Variants in PARP11 observed in about 807,000 individuals in gnomAD.
PARP11 encodes protein mono-ADP-ribosyltransferase PARP11.
A neutral mutation model predicts 42.9 loss-of-function variants in PARP11; 31 were observed. That is an observed-to-expected ratio of 0.72 (90% CI 0.54 to 0.98). The LOEUF (loss-of-function observed/expected upper bound fraction) is 0.98. Among genes scored for constraint, PARP11 ranks in the 50% least tolerant of loss-of-function variants. The pLI, the probability that PARP11 is intolerant of heterozygous loss-of-function variation, is 0.00. For synonymous variants in PARP11, 137 were observed against 127.3 expected, an observed-to-expected ratio of 1.08 and a Z score of -0.51; for missense variants, 365 against 413.1, an observed-to-expected ratio of 0.88 and a Z score of 1.01.
At position 3,840,332 on chromosome 12, in the gene PARP11, T is replaced by C; in HGVS notation, c.19-10314A>G. The C allele has an allele frequency of 6.2e-7, 1 of 1,614,068 alleles. No individual in the cohort carries two copies. Among genetic ancestry groups the C allele is most frequent in the Non-Finnish European group, 8.5e-7 (1 of 1,179,956 alleles). ...TGGAACACAGTGTCAGGGAAGAAGA[T>C]GAAAAAACCTTCCACTTCTGGACAA... is the stretch of plus-strand genomic sequence containing the variant. On this transcript the variant is annotated intron_variant, in intron 1 of 7. Coordinates refer to ENST00000228820, the MANE Select transcript of PARP11 (RefSeq NM_020367.6). The surrounding 1 kb of genome is among the most constrained non-coding windows in gnomAD (Gnocchi z 4.4).
intron 6 of PARP11, among the ~76,000 whole-genome samples, chr12:3,817,885 T>A (rs945273108): frequency 6.6e-6 from 1 of 152,226 alleles, no homozygotes; most frequent in African/African-American, 2.4e-5. Flanking sequence ...TCTGATTCAG[T>A]AGATCTGTGG....
In PARP11 at chr12:3,811,957, A is replaced by G. The variant is rs1363207844; in HGVS notation, c.*166T>C. ...AGAAACAGGCAAAAACAAAACAACA[A>G]AAACCAACCTTGAAGTCAGTATGTC... On this transcript the variant is annotated 3_prime_UTR_variant, in exon 8 of 8. Coordinates refer to ENST00000228820, the MANE Select transcript of PARP11 (RefSeq NM_020367.6). The G allele has an allele frequency of 1.8e-6, 1 of 569,410 alleles. No individual in the cohort carries two copies. The highest frequency in any genetic ancestry group is 3.5e-5 in the Admixed American group (1 of 28,428). 35.3% of individuals were successfully genotyped at this position (569,410 alleles called of 1,614,324 possible).
intron 1 of PARP11, among the ~76,000 whole-genome samples, chr12:3,854,382 C>T (rs898777251): frequency 4.6e-5 from 7 of 152,090 alleles, no homozygotes; most frequent in African/African-American, 7.2e-5. Context: ...AATTGATAGA[C>T]CGCTAGCAAG....
At position 3,873,392 on chromosome 12, in the gene PARP11, T is replaced by TA; in HGVS notation, c.-164dup. 1.5e-6 allele frequency: 1 copy of TA among 675,900 alleles called. No individual in the cohort carries two copies. Among genetic ancestry groups the TA allele is most frequent in the South Asian group, 1.8e-5 (1 of 56,332 alleles). 41.9% of individuals were successfully genotyped at this position (675,900 alleles called of 1,614,324 possible). On this transcript the variant is annotated 5_prime_UTR_variant, in exon 1 of 8. Transcript: ENST00000228820. ...CCCCTCCCTGTCACAAGCCAGCGTT[T>TA]ACAGACCACCCAACCTCCCGACTTC...
intron 7 of PARP11, among the ~76,000 whole-genome samples, chr12:3,813,251 G>A (rs1471194945): frequency 2.6e-5 from 4 of 152,290 alleles, no homozygotes; most frequent in Admixed American, 1.3e-4. Context: ...CCAAGAAACC[G>A]TATTTCTATG....
In PARP11 at chr12:3,810,724, G is replaced by GAGAAAC. The variant is rs1947157450; in HGVS notation, c.*1398_*1399insGTTTCT. On this transcript the variant is annotated 3_prime_UTR_variant, in exon 8 of 8. Transcript: ENST00000228820. The stretch of plus-strand genomic sequence containing the variant: ...GAAGAGAGAGAGAAGAGAAGAGAAA[G>GAGAAAC]AGAAAGAGAAAGAGGAAGAGAAAAA... 1 of 149,032 alleles carries GAGAAAC rather than the reference G, an allele frequency of 6.7e-6. No homozygotes were observed. Among genetic ancestry groups the GAGAAAC allele is most frequent in the African/African-American group, 2.5e-5 (1 of 40,360 alleles). 9.2% of individuals were successfully genotyped at this position (149,032 alleles called of 1,614,324 possible).
intron 4 of PARP11, among the ~76,000 whole-genome samples, chr12:3,824,400 T>C (rs1436139669): frequency 1.3e-5 from 2 of 152,206 alleles, no homozygotes; most frequent in African/African-American, 4.8e-5. Context: ...CTAAAGTATC[T>C]TTTAGCTATG....
At chr12:3,864,742 T>C (rs997621231) in intron 1 of PARP11, among the ~76,000 whole-genome samples, 2 of 152,174 alleles carry the variant, frequency 1.3e-5, no homozygotes, top group Admixed American at 1.3e-4. Flanking sequence ...CTTTAGAATA[T>C]GTAGTGATGT....
At chr12:3,830,151 TTCTA>T in intron 1 of PARP11, 133 bp from the exon 2 acceptor site, 1 of 697,136 alleles carries the variant, frequency 1.4e-6, no homozygotes, top group Non-Finnish European at 2.3e-6. Context: ...AAAAACAGCT[TTCTA>T]TCTTTCATAT....
chr12:3,841,305 T>G, intron 1 of PARP11: 2 of 1,253,646 alleles, frequency 1.6e-6, no homozygotes, highest in Admixed American at 1.7e-5. Flanking sequence ...AGGCATACAG[T>G]TGTCCTGTGT....
rs1282425663 is a variant in PARP11, at chr12:3,872,790, C to T, written c.18+422G>A. The T allele has an allele frequency of 1.1e-5, 11 of 985,168 alleles. No homozygotes were observed. The Admixed American group carries it at 5.5e-4, about 50-fold the overall frequency. The allele number at this position is 985,168 out of a possible 1,614,324, so 61.0% of individuals were successfully genotyped here. Reference sequence around the variant, plus strand: ...GTTACTCCAATTAGAAAGCAAAACACAAAGTTTCAAAAAACAGTGAAGGCA... The same window carrying T: ...GTTACTCCAATTAGAAAGCAAAACATAAAGTTTCAAAAAACAGTGAAGGCA... On this transcript the variant is annotated intron_variant, in intron 1 of 7. Transcript: ENST00000228820.
intron 1 of PARP11, chr12:3,832,235 C>T (rs1947657391): frequency 3.5e-6 from 1 of 283,008 alleles, no homozygotes; most frequent in Non-Finnish European, 5.3e-6. Context: ...TCCTAAAGCA[C>T]TTCAAATCTT....
intron 1 of PARP11, chr12:3,871,919 CCAGAAGTGAGTCA>C (rs1948487221): frequency 6.6e-6 from 1 of 152,120 alleles, no homozygotes; most frequent in African/African-American, 2.4e-5. Context: ...ATCTTTCGTC[CCAGAAGTGAGTCA>C]CAGAAACCAG....
chr12:3,830,227 T>C (rs932943745), intron 1 of PARP11, among the ~76,000 whole-genome samples: 1 of 152,196 alleles, frequency 6.6e-6, no homozygotes, highest in African/African-American at 2.4e-5. Flanking sequence ...AGGCAAGTAA[T>C]AATAATCTTA....
At chr12:3,856,984 T>C (rs1425389616) in intron 1 of PARP11, among the ~76,000 whole-genome samples, 1 of 152,074 alleles carries the variant, frequency 6.6e-6, no homozygotes, top group Non-Finnish European at 1.5e-5. Context: ...TGCAGGGATA[T>C]GGATGAAGCT....
At chr12:3,826,813 T>C (rs1043194572) in intron 3 of PARP11, among the ~76,000 whole-genome samples, 1 of 152,238 alleles carries the variant, frequency 6.6e-6, no homozygotes, top group South Asian at 2.1e-4. Context: ...AGAGACTAAG[T>C]ACTTAAAGGT....
rs968649802 is a variant in PARP11, at chr12:3,828,989, G to A, written c.189C>T (p.Ile63=). Residue 63 remains isoleucine (I), a synonymous_variant, in exon 3 of 8, where the codon ATC becomes ATT. Coordinates refer to ENST00000228820, the MANE Select transcript of PARP11 (RefSeq NM_020367.6). ...NSQCSVSSED[I]EKSFKTNPCG... is the part of the protein sequence containing the mutation. The stretch of plus-strand genomic sequence containing the variant: ...AAGGGTTTGTTTTGAAGCTTTTTTC[G>A]ATATCTTCACTGCTAACTGAACACT... 17 of 1,613,700 alleles carry A rather than the reference G, an allele frequency of 1.1e-5. No homozygotes were observed. Among genetic ancestry groups the A allele is most frequent in the East Asian group, 4.5e-5 (2 of 44,880 alleles).
At chr12:3,817,807 T>C (rs1304921694) in intron 6 of PARP11, among the ~76,000 whole-genome samples, 1 of 152,190 alleles carries the variant, frequency 6.6e-6, no homozygotes, top group Non-Finnish European at 1.5e-5. Flanking sequence ...TTAGAACACC[T>C]GTCATCCTGC....
At chr12:3,844,419 C>G (rs1450506869) in intron 1 of PARP11, among the ~76,000 whole-genome samples, 1 of 152,192 alleles carries the variant, frequency 6.6e-6, no homozygotes, top group Non-Finnish European at 1.5e-5. Context: ...CCTCCACTTT[C>G]AGCTTATGCT....
Sources: allele counts gnomAD v4.1 joint callset (sites outside exome capture counted in the v4.1 genomes callset), GRCh38; gene constraint gnomAD v4.1.1; non-coding constraint Gnocchi (gnomAD v3.1); transcripts MANE v1.5; gene names NCBI Gene and HGNC (gene_info 2026-07-23, HGNC 2026-07-21).